Variants in TAFA5 observed in about 807,000 individuals in gnomAD.
TAFA5 encodes the protein TAFA chemokine like family member 5, also known as chemokine-like protein TAFA-5.
TAFA5 carries 6 observed loss-of-function variants against 15.3 expected under a neutral mutation model. That is an observed-to-expected ratio of 0.39 (90% CI 0.21 to 0.77). The LOEUF is 0.77. Ranked by LOEUF, TAFA5 falls within the 30% of genes least tolerant of loss-of-function variation. TAFA5 has a pLI of 0.41. For missense variants in TAFA5, 161 were observed against 193.1 expected (o/e 0.83, Z 0.98); for synonymous variants, 103 against 80.7 (o/e 1.28, Z -1.48).
In TAFA5 at chr22:48,646,712, C is replaced by G; in HGVS notation, c.228C>G (p.Ala76=). The change falls in exon 2 of 4, where the codon GCC becomes GCG. Residue 76 remains alanine (A), a synonymous_variant. Transcript: ENST00000402357. The part of the protein sequence containing the change: ...ARCACRKGQI[A]GTTRARPACV... ...GTGCGTGTAGAAAGGGGCAGATCGC[C>G]GGCACCACGAGAGCCCGGCCCGCCT... The G allele has an allele frequency of 2.5e-6, 4 of 1,598,518 alleles. No individual in the cohort carries two copies. Among genetic ancestry groups the G allele is most frequent in the South Asian group, 1.1e-5 (1 of 89,878 alleles).
intron 1 of TAFA5, among the ~76,000 whole-genome samples, chr22:48,575,451 G>T (rs1184893019): frequency 6.8e-6 from 1 of 146,334 alleles, no homozygotes; most frequent in South Asian, 2.1e-4. Context: ...GGCCGGCAGC[G>T]ACTGCGCCGC....
At chr22:48,496,486 G>T (rs1017764176) in intron 1 of TAFA5, among the ~76,000 whole-genome samples, 1 of 152,192 alleles carries the variant, frequency 6.6e-6, no homozygotes, top group Non-Finnish European at 1.5e-5. Context: ...AGAAGGTCAC[G>T]TGGATGTGGA....
intron 3 of TAFA5, among the ~76,000 whole-genome samples, chr22:48,730,049 C>A (rs1054091861): frequency 5.9e-5 from 9 of 152,090 alleles, no homozygotes; most frequent in African/African-American, 2.2e-4. Context: ...ATTGCTCACA[C>A]CTACATAAAA....
At chr22:48,638,693 A>T (rs1926556394) in intron 1 of TAFA5, among the ~76,000 whole-genome samples, 1 of 134,396 alleles carries the variant, frequency 7.4e-6, no homozygotes, top group Non-Finnish European at 1.5e-5. Flanking sequence ...CCCCCTGGAC[A>T]CTAAGCCCTG....
chr22:48,575,600 A>T (rs1243271622), intron 1 of TAFA5, among the ~76,000 whole-genome samples: 1 of 145,788 alleles, frequency 6.9e-6, no homozygotes, highest in African/African-American at 2.5e-5. Context: ...CGCGGCAGCC[A>T]CCGGCACCGG....
chr22:48,707,150 G>A (rs528512063), intron 2 of TAFA5, among the ~76,000 whole-genome samples: 4 of 152,090 alleles, frequency 2.6e-5, no homozygotes, highest in East Asian at 1.9e-4. Flanking sequence ...GGGTCAGCCG[G>A]GCATCTGCAG....
intron 1 of TAFA5, among the ~76,000 whole-genome samples, chr22:48,569,225 T>C (rs1394718894): frequency 6.6e-6 from 1 of 152,102 alleles, no homozygotes; most frequent in African/African-American, 2.4e-5. Context: ...GGGAGGACGA[T>C]GGATGCAGGG....
intron 1 of TAFA5, among the ~76,000 whole-genome samples, chr22:48,513,522 G>A (rs1026577399): frequency 1.3e-5 from 2 of 152,222 alleles, no homozygotes; most frequent in African/African-American, 4.8e-5. Context: ...GCTTCTAACT[G>A]CAGTGTGACC....
At chr22:48,500,746 G>A (rs565594442) in intron 1 of TAFA5, among the ~76,000 whole-genome samples, 6 of 152,354 alleles carry the variant, frequency 3.9e-5, no homozygotes, top group Non-Finnish European at 7.3e-5. Context: ...ACATCGCACT[G>A]TGTCCCAGAA....
At chr22:48,645,111 C>T (rs751308714) in intron 1 of TAFA5, among the ~76,000 whole-genome samples, 2 of 152,234 alleles carry the variant, frequency 1.3e-5, no homozygotes, top group African/African-American at 4.8e-5. Flanking sequence ...AGTGAGGCAG[C>T]GAGTAAGTAG....
At chr22:48,493,277 C>T (rs559912808) in intron 1 of TAFA5, among the ~76,000 whole-genome samples, 1 of 152,326 alleles carries the variant, frequency 6.6e-6, no homozygotes, top group African/African-American at 2.4e-5. Flanking sequence ...CAGACAGGTT[C>T]ACTATGTGCT....
chr22:48,643,364 C>T (rs192261160), intron 1 of TAFA5, among the ~76,000 whole-genome samples: 145 of 152,300 alleles, frequency 9.5e-4, no homozygotes, highest in Non-Finnish European at 1.4e-3. Context: ...GGCTCAGCAC[C>T]GTCTCGTCCA....
intron 1 of TAFA5, among the ~76,000 whole-genome samples, chr22:48,562,687 C>T (rs1334851942): frequency 1.3e-5 from 2 of 152,210 alleles, no homozygotes; most frequent in South Asian, 2.1e-4. Context: ...CCTTCCACCC[C>T]TCCTAGGCCA....
chr22:48,526,916 T>C (rs1420736534), intron 1 of TAFA5, among the ~76,000 whole-genome samples: 3 of 152,246 alleles, frequency 2.0e-5, no homozygotes, highest in African/African-American at 7.2e-5. Flanking sequence ...GAGATGGGAC[T>C]GCATTTCCTC....
At chr22:48,531,518 C>T (rs976626254) in intron 1 of TAFA5, among the ~76,000 whole-genome samples, 17 of 152,196 alleles carry the variant, frequency 1.1e-4, no homozygotes, top group Non-Finnish European at 2.1e-4. Flanking sequence ...CCTGCAGGTG[C>T]AGTCGACATG....
At chr22:48,569,376 G>A (rs1416284839) in intron 1 of TAFA5, among the ~76,000 whole-genome samples, 2 of 152,148 alleles carry the variant, frequency 1.3e-5, no homozygotes, top group African/African-American at 2.4e-5. Flanking sequence ...GCTTGGCATC[G>A]ATTCAATAAA....
At position 48,550,762 on chromosome 22, in the gene TAFA5, G is replaced by A. The variant is rs530440598; in HGVS notation, c.112+61058G>A. Among the ~76,000 whole-genome samples the A allele has an allele frequency of 6.6e-6, 1 of 152,006 alleles. No homozygotes were observed. Among genetic ancestry groups the A allele is most frequent in the African/African-American group, 2.4e-5 (1 of 41,386 alleles). On this transcript the variant is annotated intron_variant, in intron 1 of 3. Coordinates refer to ENST00000402357, the MANE Select transcript of TAFA5 (RefSeq NM_001082967.3). The surrounding 1 kb of genome is among the most constrained non-coding windows in gnomAD (Gnocchi z 4.1). ...TCCAGGGCCCCCTACTCTGATCCACGGGTGTCTGGGCTCCAGAAAGCTTTC... is the reference window on the plus strand; with the variant it reads ...TCCAGGGCCCCCTACTCTGATCCACAGGTGTCTGGGCTCCAGAAAGCTTTC...
rs980928601 is a variant in TAFA5, at chr22:48,577,010, G to A, written c.113-69587G>A. ...GCTGGGACCCGCCAGGGTGGGCGCCGGGCTGGGACCCGCGGACGTCGGGAA... is the reference window on the plus strand; with the variant it reads ...GCTGGGACCCGCCAGGGTGGGCGCCAGGCTGGGACCCGCGGACGTCGGGAA... On this transcript the variant is annotated intron_variant, in intron 1 of 3. Transcript: ENST00000402357. 5.3e-5 allele frequency among the ~76,000 whole-genome samples: 8 copies of A among 152,234 alleles called. No individual in the cohort carries two copies. The South Asian group carries it at 1.0e-3, about 20-fold the overall frequency.
chr22:48,581,533 G>A (rs1601593014), intron 1 of TAFA5, among the ~76,000 whole-genome samples: 3 of 152,204 alleles, frequency 2.0e-5, no homozygotes, highest in Non-Finnish European at 2.9e-5. Context: ...CTGGGCGCGC[G>A]GAGCTGTAGG....
Sources: allele counts gnomAD v4.1 joint callset (sites outside exome capture counted in the v4.1 genomes callset), GRCh38; gene constraint gnomAD v4.1.1; non-coding constraint Gnocchi (gnomAD v3.1); transcripts MANE v1.5; gene names NCBI Gene and HGNC (gene_info 2026-07-23, HGNC 2026-07-21).